PHF24: variants seen among roughly 807,000 people sequenced by gnomAD.
The protein encoded by PHF24 is Galpha inhibitory interacting protein.
A neutral mutation model predicts 42.6 loss-of-function variants in PHF24; 25 were observed. The ratio of observed to expected loss-of-function variants is 0.59; its 90% CI spans 0.43 to 0.82. The LOEUF (loss-of-function observed/expected upper bound fraction) is 0.82. Ranked by LOEUF, PHF24 falls within the 40% of genes least tolerant of loss-of-function variation. The probability of loss-of-function intolerance (pLI) is 0.00; values close to 1 mark genes in which losing one functional copy is unlikely to be tolerated. For missense variants in PHF24, 470 were observed against 538.1 expected (o/e 0.87, Z 1.25); for synonymous variants, 185 against 204.8 (o/e 0.90, Z 0.83).
chr9:34,878,196 C>T, the PHF24 span, among the ~76,000 whole-genome samples: 2 of 152,156 alleles, frequency 1.3e-5, no homozygotes, highest in African/African-American at 4.8e-5. Context: ...ATACTCCACT[C>T]AATTTTTCTG....
the PHF24 span, among the ~76,000 whole-genome samples, chr9:34,872,454 G>T: frequency 1.3e-5 from 2 of 149,468 alleles, no homozygotes; most frequent in East Asian, 4.0e-4. Context: ...AGAATATGCG[G>T]TGTCTGGTTT....
the PHF24 span, among the ~76,000 whole-genome samples, chr9:34,800,097 C>CA: frequency 0.34 from 51,732 of 151,834 alleles, 9,427 homozygotes; most frequent in East Asian, 0.65. Flanking sequence ...GCAATATATC[C>CA]AGTAACACAA....
At chr9:34,841,819 T>A in the PHF24 span, among the ~76,000 whole-genome samples, 1 of 152,336 alleles carries the variant, frequency 6.6e-6, no homozygotes, top group South Asian at 2.1e-4. Context: ...ATTGCACCAC[T>A]GCTCTCCAAC....
the PHF24 span, among the ~76,000 whole-genome samples, chr9:34,936,113 T>C: frequency 6.6e-6 from 1 of 151,458 alleles, no homozygotes. Context: ...CTCCCTCTGA[T>C]GCCGAGCCGA....
At chr9:34,694,159 CTTTTTTTTTTTT>C in the PHF24 span, among the ~76,000 whole-genome samples, 17 of 66,176 alleles carry the variant, frequency 2.6e-4, no homozygotes, top group South Asian at 4.1e-3. Context: ...TATCTCTATT[CTTTTTTTTTTTT>C]TTTTTTTTTT....
the PHF24 span, among the ~76,000 whole-genome samples, chr9:34,909,143 G>A: frequency 6.6e-6 from 1 of 151,798 alleles, no homozygotes; most frequent in African/African-American, 2.4e-5. Context: ...ACCATGCCCG[G>A]CCCCCTTTTT....
chr9:34,777,146 T>C, the PHF24 span, among the ~76,000 whole-genome samples: 1 of 152,164 alleles, frequency 6.6e-6, no homozygotes, highest in Non-Finnish European at 1.5e-5. Flanking sequence ...CAGGGTGGTA[T>C]ATGCTTGTAC....
chr9:34,692,314 A>G, the PHF24 span, among the ~76,000 whole-genome samples: 2 of 152,180 alleles, frequency 1.3e-5, no homozygotes, highest in African/African-American at 4.8e-5. Context: ...CAAGGACTTT[A>G]CCACTATTAC....
chr9:34,886,838 C>G, the PHF24 span, among the ~76,000 whole-genome samples: 35 of 151,568 alleles, frequency 2.3e-4, no homozygotes, highest in East Asian at 6.2e-3. Context: ...ATCTATGTAT[C>G]TATCTATCTA....
the PHF24 span, among the ~76,000 whole-genome samples, chr9:34,680,095 G>C: frequency 6.6e-6 from 1 of 152,150 alleles, no homozygotes; most frequent in African/African-American, 2.4e-5. Context: ...CCAATACAAG[G>C]CTGGGTGCAG....
At chr9:34,793,045 A>G in the PHF24 span, among the ~76,000 whole-genome samples, 1 of 152,192 alleles carries the variant, frequency 6.6e-6, no homozygotes, top group Non-Finnish European at 1.5e-5. Flanking sequence ...ATCATAAAAT[A>G]TTTTTATCAT....
chr9:34,894,547 T>C, the PHF24 span: 7 of 398,394 alleles, frequency 1.8e-5, no homozygotes, highest in Non-Finnish European at 3.1e-5. Context: ...CTGGAGAGGA[T>C]TCAGGGACAT....
the PHF24 span, among the ~76,000 whole-genome samples, chr9:34,729,816 C>T: frequency 3.2e-4 from 48 of 152,178 alleles, no homozygotes; most frequent in African/African-American, 1.0e-3. Context: ...GTAGATAGGC[C>T]GGAGGAACCT....
chr9:34,767,836 C>T, the PHF24 span, among the ~76,000 whole-genome samples: 29 of 152,344 alleles, frequency 1.9e-4, no homozygotes, highest in East Asian at 4.4e-3. Context: ...TGTTCCTATT[C>T]GGCCATCTTG....
the PHF24 span, among the ~76,000 whole-genome samples, chr9:34,805,943 G>A: frequency 5.3e-5 from 8 of 152,198 alleles, no homozygotes; most frequent in African/African-American, 1.9e-4. Context: ...AGTTGGCCCA[G>A]CATTGTTTGT....
At chr9:34,777,721 G>A in the PHF24 span, among the ~76,000 whole-genome samples, 14 of 152,300 alleles carry the variant, frequency 9.2e-5, no homozygotes, top group Non-Finnish European at 1.8e-4. Context: ...AATTCCTGGG[G>A]ACAGAAGCCC....
chr9:34,707,617 G>A, the PHF24 span, among the ~76,000 whole-genome samples: 2 of 152,210 alleles, frequency 1.3e-5, no homozygotes, highest in Non-Finnish European at 2.9e-5. Flanking sequence ...GAGGATGTTA[G>A]GATAGGTGGT....
chr9:34,902,882 T>C, the PHF24 span, among the ~76,000 whole-genome samples: 4 of 152,190 alleles, frequency 2.6e-5, no homozygotes, highest in African/African-American at 4.8e-5. Context: ...AGTCCTCATA[T>C]AATAGGTGAG....
chr9:34,669,584 T>C, the PHF24 span, among the ~76,000 whole-genome samples: 1 of 151,224 alleles, frequency 6.6e-6, no homozygotes, highest in Admixed American at 6.6e-5. Context: ...AGAGGGATCA[T>C]GATCATGAGG....
Sources: gnomAD v4.1 joint callset for allele counts (sites outside exome capture counted in the v4.1 genomes callset) on GRCh38, gnomAD v4.1.1 for gene constraint, MANE v1.5 for transcripts, NCBI Gene and HGNC (gene_info 2026-07-23, HGNC 2026-07-21) for gene names.